The following CNTRL variants were observed in gnomAD, a reference collection of about 807,000 sequenced individuals.
CNTRL encodes the protein 110 kDa centrosomal protein.
CNTRL carries 233 observed loss-of-function variants against 303.7 expected under a neutral mutation model. That is an observed-to-expected ratio of 0.77 (90% CI 0.69 to 0.86). CNTRL has a LOEUF of 0.86. Ranked by LOEUF, CNTRL falls within the 40% of genes least tolerant of loss-of-function variation. CNTRL has a pLI of 0.00. For synonymous variants in CNTRL, 900 were observed against 922.2 expected, an observed-to-expected ratio of 0.98 and a Z score of 0.44; for missense variants, 2,524 against 2,650.6, an observed-to-expected ratio of 0.95 and a Z score of 1.05.
chr9:121,123,345 C>T (rs1335998954), intron 12 of CNTRL, among the ~76,000 whole-genome samples: 5 of 152,130 alleles, frequency 3.3e-5, no homozygotes, highest in African/African-American at 1.2e-4. Flanking sequence ...TTTGGGAGGC[C>T]AAGGCCGGCA....
intron 12 of CNTRL, among the ~76,000 whole-genome samples, chr9:121,121,550 G>T (rs2050223298): frequency 2.0e-5 from 3 of 152,168 alleles, no homozygotes; most frequent in African/African-American, 7.2e-5. Flanking sequence ...AATTATCACC[G>T]GAGCAAACAT....
At chr9:121,123,835 A>T in intron 12 of CNTRL, 96 bp from the exon 13 acceptor site, 1 of 900,778 alleles carries the variant, frequency 1.1e-6, no homozygotes, top group South Asian at 2.7e-5. Flanking sequence ...TATTATATTT[A>T]TTTTCTATTC....
chr9:121,153,047 C>A (rs1029871133), intron 26 of CNTRL, among the ~76,000 whole-genome samples: 1 of 152,184 alleles, frequency 6.6e-6, no homozygotes, highest in Non-Finnish European at 1.5e-5. Context: ...TCAACTCTTT[C>A]TTTTCCATTA....
chr9:121,157,775 A>C lies in CNTRL; in HGVS notation c.4532A>C (p.His1511Pro). The C allele has an allele frequency of 6.2e-7, 1 of 1,614,256 alleles. No homozygotes were observed. The highest frequency in any genetic ancestry group is 8.5e-7 in the Non-Finnish European group (1 of 1,180,046). The change falls in exon 29 of 44, where the codon CAC (histidine) becomes CCC (proline). Residue 1511 changes from histidine to proline, a missense_variant. Transcript: ENST00000373855. ...LQADAKDLEQ[H>P]KIKQEEILKE... Reference sequence around the variant, plus strand: ...GCTGATGCAAAGGATTTGGAGCAGCACAAAATCAAGCAAGAAGAAATCTTG... The same window carrying C: ...GCTGATGCAAAGGATTTGGAGCAGCCCAAAATCAAGCAAGAAGAAATCTTG...
rs774529867 is a variant in CNTRL at position 121,158,862 on chromosome 9, G to A, written c.4772G>A (p.Ser1591Asn). The A allele has an allele frequency of 1.4e-5, 23 of 1,613,922 alleles. No homozygotes were observed. The highest frequency in any genetic ancestry group is 1.1e-4 in the African/African-American group (8 of 74,896). Residue 1591 changes from serine to asparagine, a missense_variant, in exon 31 of 44, where the codon AGT becomes AAT. By Grantham distance (46) the Ser-to-Asn change is conservative. Transcript: ENST00000373855. ...CCCTTTTCTTTAATACAGGTGACAA[G>A]TCAGCAGCAGGAGATGGCTGTCTTG... The part of the protein sequence containing the change: ...ELEKLKSQVT[S>N]QQQEMAVLDR...
In CNTRL at chr9:121,171,401, G is replaced by C. The variant is rs759564305; in HGVS notation, c.6277-7G>C. The C allele has an allele frequency of 6.2e-7, 1 of 1,613,854 alleles. No homozygotes were observed. Among genetic ancestry groups the C allele is most frequent in the East Asian group, 2.2e-5 (1 of 44,872 alleles). ...ATCGCAGAGTTATTTTCTTCCTCCT[G>C]TGCTAGGAGCAAAAACAGGAGAACA... On this transcript the variant is annotated splice_polypyrimidine_tract_variant and splice_region_variant and intron_variant, in intron 39 of 43. Coordinates refer to ENST00000373855, the MANE Select transcript of CNTRL (RefSeq NM_007018.6).
intron 14 of CNTRL, among the ~76,000 whole-genome samples, chr9:121,130,295 C>T (rs1025438667): frequency 2.0e-5 from 3 of 152,120 alleles, no homozygotes; most frequent in Admixed American, 2.0e-4. Context: ...TTAATTATTG[C>T]CTCAATTTCA....
At chr9:121,108,100 G>A (rs1336870891) in intron 8 of CNTRL, 105 bp downstream of exon 8, 1 of 696,756 alleles carries the variant, frequency 1.4e-6, no homozygotes, top group Non-Finnish European at 2.3e-6. Flanking sequence ...TGGGGAAGAT[G>A]TGGTTTAACA....
rs776078433 is a variant in CNTRL at position 121,175,126 on chromosome 9, G to T, written c.6856G>T (p.Glu2286Ter). 6.2e-7 allele frequency: 1 copy of T among 1,614,050 alleles called. No homozygotes were observed. Among genetic ancestry groups the T allele is most frequent in the Non-Finnish European group, 8.5e-7 (1 of 1,180,004 alleles). ...SLRRQVDALG[E>*]LVTSTSADSA... Reference sequence around the variant, plus strand: ...GAGGAGACAAGTAGATGCTTTAGGGGAATTGGTCACCAGCACCTCTGCAGA... The same window carrying T: ...GAGGAGACAAGTAGATGCTTTAGGGTAATTGGTCACCAGCACCTCTGCAGA... The change falls in exon 43 of 44, where the codon GAA (glutamate) becomes TAA (stop). Residue 2286 changes from glutamate (E) to a stop codon, truncating the protein, a stop_gained. Transcript: ENST00000373855. LOFTEE classifies it high-confidence loss of function.
chr9:121,108,737 C>T (rs1458459857), intron 8 of CNTRL, among the ~76,000 whole-genome samples: 1 of 151,946 alleles, frequency 6.6e-6, no homozygotes, highest in Non-Finnish European at 1.5e-5. Flanking sequence ...AATTCAACAT[C>T]AGCCTGGGCA....
intron 43 of CNTRL, among the ~76,000 whole-genome samples, chr9:121,175,928 A>G (rs1168739301): frequency 6.6e-6 from 1 of 152,226 alleles, no homozygotes; most frequent in East Asian, 1.9e-4. Context: ...CAGAGTTGGA[A>G]TTCAGACCTC....
chr9:121,171,489 A>G lies in CNTRL; in HGVS notation c.6358A>G (p.Arg2120Gly). ...AGCCCAGGACAACCATGAGCGGGCC[A>G]GGCGCCTGATGAAGGAGCTCAACCA... ...LVAQDNHERA[R>G]RLMKELNQMQ... The change falls in exon 40 of 44, where the codon AGG (arginine) becomes GGG (glycine). Residue 2120 changes from arginine to glycine, a missense_variant. Coordinates refer to ENST00000373855, the MANE Select transcript of CNTRL (RefSeq NM_007018.6). 1 of 1,614,110 alleles carries G rather than the reference A, an allele frequency of 6.2e-7. No homozygotes were observed. The highest frequency in any genetic ancestry group is 8.5e-7 in the Non-Finnish European group (1 of 1,179,966).
intron 7 of CNTRL, among the ~76,000 whole-genome samples, chr9:121,099,350 G>T (rs147133105): frequency 0.02 from 2,970 of 152,280 alleles, 83 homozygotes; most frequent in African/African-American, 0.068. Context: ...CTGACTGTTA[G>T]AAGGAAAACT....
At chr9:121,104,578 A>C (rs1309258930) in intron 7 of CNTRL, among the ~76,000 whole-genome samples, 1 of 152,138 alleles carries the variant, frequency 6.6e-6, no homozygotes, top group Non-Finnish European at 1.5e-5. Flanking sequence ...AAAAAAAGAA[A>C]ATCAGATAGA....
chr9:121,081,545 T>G (rs2048141160), intron 2 of CNTRL, among the ~76,000 whole-genome samples: 1 of 152,212 alleles, frequency 6.6e-6, no homozygotes, highest in African/African-American at 2.4e-5. Context: ...AAATTGGGAC[T>G]CCCACTGCCC....
intron 21 of CNTRL, 28 bp from the exon 22 acceptor site, chr9:121,145,216 A>G: frequency 6.3e-7 from 1 of 1,591,052 alleles, no homozygotes; most frequent in Admixed American, 1.8e-5. Context: ...TTCATTGGCA[A>G]CTTTGTATGT....
chr9:121,083,562 C>A (rs2048230440), intron 2 of CNTRL, among the ~76,000 whole-genome samples: 1 of 152,066 alleles, frequency 6.6e-6, no homozygotes, highest in Non-Finnish European at 1.5e-5. Flanking sequence ...TTCTGGAATA[C>A]CTCTTGAAGG....
intron 11 of CNTRL, among the ~76,000 whole-genome samples, chr9:121,115,462 T>G (rs892039805): frequency 1.3e-5 from 2 of 152,148 alleles, no homozygotes; most frequent in Non-Finnish European, 1.5e-5. Flanking sequence ...GAGAAGTTGC[T>G]TCCTGATCTA....
intron 14 of CNTRL, among the ~76,000 whole-genome samples, chr9:121,133,617 C>T (rs891273189): frequency 1.3e-5 from 2 of 152,212 alleles, no homozygotes; most frequent in Non-Finnish European, 2.9e-5. Flanking sequence ...CTGGGTGAGG[C>T]GATGCCCTGC....
Sources: allele counts gnomAD v4.1 joint callset (sites outside exome capture counted in the v4.1 genomes callset), GRCh38; gene constraint gnomAD v4.1.1; transcripts MANE v1.5; gene names NCBI Gene and HGNC (gene_info 2026-07-23, HGNC 2026-07-21).